The following KIF1C variants were observed in gnomAD, a reference collection of about 807,000 sequenced individuals.
The protein encoded by KIF1C is kinesin-like protein KIF1C.
KIF1C carries 61 observed loss-of-function variants against 126.5 expected under a neutral mutation model. That is an observed-to-expected ratio of 0.48 (90% CI 0.39 to 0.60). The LOEUF is 0.60. KIF1C is among the 20% of genes least tolerant of loss of function. KIF1C has a pLI of 0.00. For synonymous variants in KIF1C, 640 were observed against 580.6 expected, an observed-to-expected ratio of 1.10 and a Z score of -1.47; for missense variants, 1,315 against 1,489.2, an observed-to-expected ratio of 0.88 and a Z score of 1.93.
intron 16 of KIF1C, among the ~76,000 whole-genome samples, chr17:5,012,975 C>T (rs1294599655): frequency 6.6e-6 from 1 of 152,136 alleles, no homozygotes; most frequent in Non-Finnish European, 1.5e-5. Context: ...GCAGGGACAG[C>T]CCCAGGCGGG....
At chr17:5,003,749 T>A (rs370912325) in intron 9 of KIF1C, 60 bp downstream of exon 9, 5 of 1,562,558 alleles carry the variant, frequency 3.2e-6, no homozygotes, top group Non-Finnish European at 4.4e-6. Flanking sequence ...TATGTGGAGG[T>A]CTCCAGTCGG....
Position 5,020,778 on chromosome 17 carries a change from TCTTC to T in KIF1C, c.1938-22_1938-19del, listed in dbSNP as rs779583684. 1 of 1,598,070 alleles carries T rather than the reference TCTTC, an allele frequency of 6.3e-7. No homozygotes were observed. Among genetic ancestry groups the T allele is most frequent in the Non-Finnish European group, 8.5e-7 (1 of 1,171,890 alleles). The stretch of plus-strand genomic sequence containing the variant: ...CTTGTCAGATACTCACCAAGGTTGC[TCTTC>T]CTTCCCTCCCTGTCCAATCCCAGGC... On this transcript the variant is annotated intron_variant, in intron 20 of 22. Transcript: ENST00000320785. The surrounding 1 kb of genome is among the most constrained non-coding windows in gnomAD (Gnocchi z 5.8).
At chr17:5,001,904 G>T (rs1347018424) in intron 5 of KIF1C, among the ~76,000 whole-genome samples, 155 bp from the exon 6 acceptor site, 1 of 152,198 alleles carries the variant, frequency 6.6e-6, no homozygotes, top group African/African-American at 2.4e-5. Flanking sequence ...CCTCTCTGAG[G>T]TTGTTTTCCC....
chr17:5,022,300 G>C lies in KIF1C; in HGVS notation c.2219G>C (p.Arg740Pro). 1 of 1,611,660 alleles carries C rather than the reference G, an allele frequency of 6.2e-7. No homozygotes were observed. The highest frequency in any genetic ancestry group is 8.5e-7 in the Non-Finnish European group (1 of 1,178,922). Residue 740 changes from arginine to proline, a missense_variant, in exon 22 of 23, where the codon CGC becomes CCC. Arg to Pro is a moderately radical substitution (Grantham distance 103, BLOSUM62 -2). This residue lies in a region of KIF1C where 874 missense variants were observed against 1,053.2 expected (regional missense o/e 0.83). Coordinates refer to ENST00000320785, the MANE Select transcript of KIF1C (RefSeq NM_006612.6). This position sits in a 1 kb window ranked among gnomAD's most constrained non-coding sequence, Gnocchi z 4.9. Reference protein sequence around the residue: ...QRRRLQGKDPRWATMADLKMQ... With the variant: ...QRRRLQGKDPPWATMADLKMQ... ...CGCAGGCTGCAGGGCAAAGACCCCC[G>C]CTGGGCCACCATGGCTGACCTGAAG...
intron 17 of KIF1C, chr17:5,014,083 T>C (rs975023061): frequency 3.7e-6 from 1 of 269,548 alleles, no homozygotes; most frequent in African/African-American, 2.2e-5. Flanking sequence ...GCCTGGTCTG[T>C]GCGGTTGAGG....
intron 18 of KIF1C, chr17:5,019,717 A>G (rs561225421): frequency 2.2e-4 from 103 of 463,102 alleles, no homozygotes; most frequent in Admixed American, 6.9e-4. Context: ...TTTGACAATT[A>G]CTGGTTTTCT....
chr17:5,007,198 GTT>G, intron 14 of KIF1C, 63 bp from the exon 15 acceptor site: 9 of 1,574,584 alleles, frequency 5.7e-6, no homozygotes, highest in Non-Finnish European at 7.8e-6. Context: ...CCCAGGGTAG[GTT>G]GTCCCTACCC....
At chr17:4,999,060 C>T (rs1298221714) in intron 1 of KIF1C, 1 of 152,152 alleles carries the variant, frequency 6.6e-6, no homozygotes, top group African/African-American at 2.4e-5. Context: ...TTTCTGGGCG[C>T]CCCAAGGGTG....
intron 16 of KIF1C, among the ~76,000 whole-genome samples, chr17:5,009,066 AAG>A (rs1420754868): frequency 6.6e-6 from 1 of 152,000 alleles, no homozygotes; most frequent in Admixed American, 6.6e-5. Context: ...ATAGTTCTAA[AAG>A]GTGTGTACAG....
At chr17:5,000,050 T>C in intron 2 of KIF1C, 80 bp downstream of exon 2, 1 of 590,052 alleles carries the variant, frequency 1.7e-6, no homozygotes, top group Non-Finnish European at 3.0e-6. Context: ...TGGGAGTCTC[T>C]CAAGACAGTG....
chr17:5,006,738 CTG>C (rs1974742689), intron 13 of KIF1C, among the ~76,000 whole-genome samples, 175 bp from the exon 14 acceptor site: 1 of 152,182 alleles, frequency 6.6e-6, no homozygotes, highest in South Asian at 2.1e-4. Context: ...AGTAGAGAGA[CTG>C]GGTGCCCATT....
At position 5,010,284 on chromosome 17, in the gene KIF1C, T is replaced by A. The variant is rs551521877; in HGVS notation, c.1491+2742T>A. Among the ~76,000 whole-genome samples the A allele has an allele frequency of 8.1e-4, 124 of 152,284 alleles. 1 individual carries two copies. Among genetic ancestry groups the A allele is most frequent in the Middle Eastern group, 3.4e-3 (1 of 294 alleles). On this transcript the variant is annotated intron_variant, in intron 16 of 22. Coordinates refer to ENST00000320785, the MANE Select transcript of KIF1C (RefSeq NM_006612.6). The stretch of plus-strand genomic sequence containing the variant: ...TTCACGGTGTCAGGGTATTCTATTG[T>A]GTAGATGTAGGATAATGTATTTAAC...
At chr17:5,018,382 T>TGATTATTTAATTTAATAAATCA (rs1975023535) in intron 18 of KIF1C, among the ~76,000 whole-genome samples, 2 of 151,948 alleles carry the variant, frequency 1.3e-5, no homozygotes, top group South Asian at 4.2e-4. Flanking sequence ...ATAAATGGCA[T>TGATTATTTAATTTAATAAATCA]CTGGCCAGGC....
At chr17:5,004,735 CGGG>C in intron 12 of KIF1C, 90 bp downstream of exon 12, 1 of 1,578,516 alleles carries the variant, frequency 6.3e-7, no homozygotes, top group Non-Finnish European at 8.7e-7. Context: ...GCTCGTGAGA[CGGG>C]GGAGATGCCG....
rs745389174 is a variant in KIF1C at position 5,000,236 on chromosome 17, T to C, written c.-11T>C. On this transcript the variant is annotated 5_prime_UTR_variant, in exon 3 of 23. Coordinates refer to ENST00000320785, the MANE Select transcript of KIF1C (RefSeq NM_006612.6). ...GTCCTCCAGCTGAGGAGGGCAGGAG[T>C]GTCTGGAGCTATGGCTGGTGCCTCG... 6.4e-7 allele frequency: 1 copy of C among 1,554,234 alleles called. No homozygotes were observed.
intron 18 of KIF1C, chr17:5,019,698 A>C: frequency 4.8e-6 from 2 of 413,722 alleles, no homozygotes; most frequent in Non-Finnish European, 4.7e-6. Context: ...AACATGAGGA[A>C]TGAATCCTTT....
At chr17:5,007,834 T>C (rs1289238978) in intron 16 of KIF1C, among the ~76,000 whole-genome samples, 1 of 152,126 alleles carries the variant, frequency 6.6e-6, no homozygotes, top group African/African-American at 2.4e-5. Flanking sequence ...TTGTATTCTG[T>C]GCATGCTCAA....
At chr17:5,006,857 TCTCTCATCAG>T in intron 13 of KIF1C, 48 bp from the exon 14 acceptor site, 1 of 1,562,844 alleles carries the variant, frequency 6.4e-7, no homozygotes, top group Non-Finnish European at 8.8e-7. Context: ...CTCCTGGATG[TCTCTCATCAG>T]CTCCTTCTTT....
rs761667185 is a variant in KIF1C at position 5,002,856 on chromosome 17, C to T, written c.720+14C>T. On this transcript the variant is annotated intron_variant, in intron 8 of 22. Coordinates refer to ENST00000320785, the MANE Select transcript of KIF1C (RefSeq NM_006612.6). ...GACTCGGAGAAGGTGGGATCGCCCC[C>T]CCCCCCACTCCCCCACCGGATGCAA... 4 of 1,579,020 alleles carry T rather than the reference C, an allele frequency of 2.5e-6. No homozygotes were observed. Among genetic ancestry groups the T allele is most frequent in the Non-Finnish European group, 3.5e-6 (4 of 1,152,966 alleles).
Sources: gnomAD v4.1 joint callset for allele counts (sites outside exome capture counted in the v4.1 genomes callset) on GRCh38, gnomAD v4.1.1 for gene constraint, gnomAD v4.1.1 regional missense constraint, Gnocchi (gnomAD v3.1) non-coding constraint, MANE v1.5 for transcripts, NCBI Gene and HGNC (gene_info 2026-07-23, HGNC 2026-07-21) for gene names.